TBC1D30: variants seen among roughly 807,000 people sequenced by gnomAD.
TBC1D30 encodes the protein TBC1 domain family, member 30.
TBC1D30 carries 31 observed loss-of-function variants against 63.2 expected under a neutral mutation model. That is an observed-to-expected ratio of 0.49 (90% CI 0.37 to 0.66). TBC1D30 has a LOEUF of 0.66. TBC1D30 is among the 30% of genes least tolerant of loss of function. TBC1D30 has a pLI of 0.00. For missense variants in TBC1D30, 810 were observed against 953.6 expected, an observed-to-expected ratio of 0.85 and a Z score of 1.98; for synonymous variants, 307 against 361.5, an observed-to-expected ratio of 0.85 and a Z score of 1.71.
At chr12:64,850,855 G>A (rs1001919971) in intron 8 of TBC1D30, among the ~76,000 whole-genome samples, 1 of 152,154 alleles carries the variant, frequency 6.6e-6, no homozygotes, top group Admixed American at 6.5e-5. Flanking sequence ...AATGGTACCA[G>A]CTCCTCTTTG....
chr12:64,784,306 G>A (rs993449077), intron 1 of TBC1D30, among the ~76,000 whole-genome samples: 1 of 152,076 alleles, frequency 6.6e-6, no homozygotes, highest in African/African-American at 2.4e-5. Flanking sequence ...AGAGTTGGCT[G>A]ATCCAAAAGC....
upstream of TBC1D30, among the ~76,000 whole-genome samples, chr12:64,776,892 T>G (rs566206038): frequency 6.6e-6 from 1 of 152,114 alleles, no homozygotes; most frequent in Non-Finnish European, 1.5e-5. Flanking sequence ...CAGCAGCACA[T>G]CAAAAAACTC....
At chr12:64,820,196 T>C (rs1156419440), upstream of TBC1D30, among the ~76,000 whole-genome samples, 1 of 152,146 alleles carries the variant, frequency 6.6e-6, no homozygotes, top group Non-Finnish European at 1.5e-5. Flanking sequence ...AAATCACAGG[T>C]CTCAGACCCA....
chr12:64,862,367 T>G (rs1592651982), intron 8 of TBC1D30, among the ~76,000 whole-genome samples: 2 of 152,354 alleles, frequency 1.3e-5, no homozygotes, highest in East Asian at 3.9e-4. Flanking sequence ...TACTGATTTG[T>G]TCTTTGAAGG....
chr12:64,793,840 T>C (rs1203100972), intron 2 of TBC1D30, among the ~76,000 whole-genome samples: 2 of 152,216 alleles, frequency 1.3e-5, no homozygotes, highest in Non-Finnish European at 2.9e-5. Flanking sequence ...CTGGGCTCCA[T>C]CTGCATGCAC....
chr12:64,771,771 G>T (rs910956529), intron 1 of TBC1D30, among the ~76,000 whole-genome samples: 3 of 152,216 alleles, frequency 2.0e-5, no homozygotes, highest in African/African-American at 7.2e-5. Context: ...GTAACAGGAA[G>T]AGCTTTGGGT....
chr12:64,800,165 G>A (rs986652589), intron 2 of TBC1D30, among the ~76,000 whole-genome samples: 6 of 152,150 alleles, frequency 3.9e-5, no homozygotes, highest in African/African-American at 1.2e-4. Context: ...AGGGGTAGGA[G>A]GGGTGGCAGA....
rs60489979 is a variant in TBC1D30 at position 64,765,490 on chromosome 12, C to CAAAAAAAA, written c.-376+5864_-376+5871dup. On this transcript the variant is annotated intron_variant, in intron 1 of 13. Coordinates refer to the TBC1D30 transcript ENST00000674237. ...CTGGGCGACAGAGCAAGACTGTCTCCAAAAAAAAAAAAAAAAAAAAAAAAA... is the reference window on the plus strand; with the variant it reads ...CTGGGCGACAGAGCAAGACTGTCTCCAAAAAAAAAAAAAAAAAAAAAAAAAAAAAAAAA... Among the ~76,000 whole-genome samples, 161 of 17,600 alleles carry CAAAAAAAA rather than the reference C, an allele frequency of 9.1e-3. 37 individuals are homozygous for CAAAAAAAA. Among genetic ancestry groups the CAAAAAAAA allele is most frequent in the Non-Finnish European group, 0.016 (131 of 8,410 alleles). 11.5% of individuals were successfully genotyped at this position (17,600 alleles called of 152,430 possible).
upstream of TBC1D30, among the ~76,000 whole-genome samples, chr12:64,823,379 T>A (rs1592592554): frequency 1.3e-5 from 2 of 152,374 alleles, no homozygotes; most frequent in East Asian, 3.9e-4. Flanking sequence ...TTTTCTGTGT[T>A]CTTATGCTAT....
At chr12:64,853,361 G>C (rs1877032595) in intron 8 of TBC1D30, among the ~76,000 whole-genome samples, 1 of 152,210 alleles carries the variant, frequency 6.6e-6, no homozygotes, top group South Asian at 2.1e-4. Context: ...GAGTGTCCCA[G>C]GTTGACTTCA....
chr12:64,837,683 C>T (rs899436624), intron 6 of TBC1D30, among the ~76,000 whole-genome samples: 2 of 152,168 alleles, frequency 1.3e-5, no homozygotes, highest in African/African-American at 4.8e-5. Flanking sequence ...CCCAGAGATA[C>T]CTGAATGTCT....
At chr12:64,804,257 G>T (rs1793442476) in intron 2 of TBC1D30, among the ~76,000 whole-genome samples, 2 of 152,160 alleles carry the variant, frequency 1.3e-5, no homozygotes, top group Admixed American at 1.3e-4. Context: ...TGAAGCAATT[G>T]TGAATGGGAG....
chr12:64,821,000 A>G (rs1306608467), upstream of TBC1D30, among the ~76,000 whole-genome samples: 1 of 152,270 alleles, frequency 6.6e-6, no homozygotes, highest in Non-Finnish European at 1.5e-5. Flanking sequence ...TAATAGATCT[A>G]AAAGAGGTGA....
At chr12:64,842,414 G>A (rs1326134705) in intron 7 of TBC1D30, among the ~76,000 whole-genome samples, 1 of 152,278 alleles carries the variant, frequency 6.6e-6, no homozygotes, top group African/African-American at 2.4e-5. Flanking sequence ...GGTACTCTTT[G>A]TTTTGGGCTC....
At chr12:64,817,732 A>G (rs115268303) in intron 2 of TBC1D30, among the ~76,000 whole-genome samples, 1,743 of 152,298 alleles carry the variant, frequency 0.011, 46 homozygotes, top group African/African-American at 0.04. Flanking sequence ...AATAGATATG[A>G]GAAACCTCTC....
chr12:64,869,454 C>T (rs1170972559), intron 10 of TBC1D30, among the ~76,000 whole-genome samples: 1 of 152,128 alleles, frequency 6.6e-6, no homozygotes, highest in Non-Finnish European at 1.5e-5. Context: ...CTTTTAAAGG[C>T]TTTTTAAAAA....
In TBC1D30 at chr12:64,836,626, C is replaced by T. The variant is rs1046233473; in HGVS notation, c.731C>T (p.Thr244Ile). The T allele has an allele frequency of 6.8e-5, 105 of 1,535,890 alleles. No individual in the cohort carries two copies. The East Asian group carries it at 2.1e-3, about 31-fold the overall frequency. Residue 244 changes from threonine (T) to isoleucine (I), a missense_variant, in exon 6 of 12, where the codon ACT (threonine) becomes ATT (isoleucine). This residue lies in a region of TBC1D30 where 272 missense variants were observed against 335.9 expected (regional missense o/e 0.81). Coordinates refer to ENST00000539867, the MANE Select transcript of TBC1D30 (RefSeq NM_015279.2). ...CCGGAATTATCTCAGCACCTGGATA[C>T]TCTTCAGAGAACTGCAAACAAAGAA... is the stretch of plus-strand genomic sequence containing the variant. ...KLPELSQHLDTLQRTANKESG... is the reference protein window; with the variant it reads ...KLPELSQHLDILQRTANKESG...
At chr12:64,767,871 C>T (rs941585975) in intron 1 of TBC1D30, among the ~76,000 whole-genome samples, 2 of 148,422 alleles carry the variant, frequency 1.3e-5, no homozygotes, top group Non-Finnish European at 3.0e-5. Flanking sequence ...GAGGTCCTGG[C>T]GTGTGTCATG....
intron 2 of TBC1D30, among the ~76,000 whole-genome samples, chr12:64,808,465 T>A (rs1175100724): frequency 6.6e-6 from 1 of 152,148 alleles, no homozygotes; most frequent in African/African-American, 2.4e-5. Flanking sequence ...TGCTCAAAAA[T>A]GTTTGCCATA....
Sources: gnomAD v4.1 joint callset for allele counts (sites outside exome capture counted in the v4.1 genomes callset) on GRCh38, gnomAD v4.1.1 for gene constraint, gnomAD v4.1.1 regional missense constraint, MANE v1.5 for transcripts, NCBI Gene and HGNC (gene_info 2026-07-23, HGNC 2026-07-21) for gene names.